The following UBR3 variants were observed in gnomAD, a reference collection of about 807,000 sequenced individuals.
UBR3 encodes ubiquitin protein ligase E3 component n-recognin 3, also known as E3 ubiquitin-protein ligase UBR3.
Under a neutral mutation model 243.2 loss-of-function variants are expected in UBR3, and 85 were observed. That is an observed-to-expected ratio of 0.35 (90% CI 0.29 to 0.42). UBR3 has a LOEUF of 0.42. Ranked by LOEUF, UBR3 falls within the 10% of genes least tolerant of loss-of-function variation. The pLI, the probability that UBR3 is intolerant of heterozygous loss-of-function variation, is 1.00. For missense variants in UBR3, 1,686 were observed against 2,300.8 expected, an observed-to-expected ratio of 0.73 and a Z score of 5.47; for synonymous variants, 748 against 799.8, an observed-to-expected ratio of 0.94 and a Z score of 1.09.
intron 24 of UBR3, among the ~76,000 whole-genome samples, chr2:169,975,094 C>T (rs572425909): frequency 6.6e-6 from 1 of 152,044 alleles, no homozygotes; most frequent in Admixed American, 6.5e-5. Context: ...TGCTTGATCC[C>T]GGGAGGTGGA....
In UBR3 at chr2:169,831,127, ATTTTTTTT is replaced by A. The variant is rs34139528; in HGVS notation, c.545+3096_545+3103del. ...GTACATTATATATATATATATATAT[ATTTTTTTT>A]TTTTTTTTTTTTTTTTTTTTGAGAG... On this transcript the variant is annotated intron_variant, in intron 1 of 38. Transcript: ENST00000272793. Among the ~76,000 whole-genome samples the A allele has an allele frequency of 4.7e-3, 263 of 56,410 alleles. 4 individuals are homozygous for A. Among genetic ancestry groups the A allele is most frequent in the African/African-American group, 0.021 (234 of 11,042 alleles). 37.0% of individuals were successfully genotyped at this position (56,410 alleles called of 152,430 possible).
intron 1 of UBR3, among the ~76,000 whole-genome samples, chr2:169,843,977 A>G (rs547478492): frequency 1.3e-4 from 19 of 149,992 alleles, no homozygotes; most frequent in African/African-American, 3.4e-4. Flanking sequence ...AGGTTTTAAC[A>G]TACTCCATTT....
chr2:169,881,342 G>A (rs67272949), intron 5 of UBR3, among the ~76,000 whole-genome samples: 25,846 of 151,752 alleles, frequency 0.17, 2,470 homozygotes, highest in East Asian at 0.35. Context: ...ACCACGCCTG[G>A]CTAGTTTTGT....
chr2:169,924,032 T>A (rs1408920743), intron 12 of UBR3, 38 bp downstream of exon 12: 2 of 1,522,324 alleles, frequency 1.3e-6, no homozygotes, highest in Non-Finnish European at 1.8e-6. Flanking sequence ...CTTTTTTTTT[T>A]AATTTTCAGA....
chr2:169,914,847 CTT>C (rs140555410), intron 11 of UBR3, among the ~76,000 whole-genome samples: 75 of 53,928 alleles, frequency 1.4e-3, no homozygotes, highest in African/African-American at 3.8e-3. Context: ...AATTTTATCT[CTT>C]GTGTGTGTGT....
At position 169,918,491 on chromosome 2, in the gene UBR3, T is replaced by A. The variant is rs921265029; in HGVS notation, c.1866+4345T>A. On this transcript the variant is annotated intron_variant, in intron 11 of 38. Transcript: ENST00000272793. ...TCTAGTACAAATCAAGCAAATAATT[T>A]TTTTTTTTTTTTTTAAGACAGGGTC... is the stretch of plus-strand genomic sequence containing the variant. Among the ~76,000 whole-genome samples, 147 of 150,286 alleles carry A rather than the reference T, an allele frequency of 9.8e-4. No individual in the cohort carries two copies. In the East Asian group the frequency reaches 0.025, roughly 25 times the overall value.
At chr2:169,961,549 T>G (rs932178240) in intron 24 of UBR3, among the ~76,000 whole-genome samples, 2 of 152,202 alleles carry the variant, frequency 1.3e-5, no homozygotes, top group African/African-American at 4.8e-5. Context: ...GGGACTTTAG[T>G]CTACTCTCAC....
chr2:169,875,154 T>C (rs750933751), intron 2 of UBR3, among the ~76,000 whole-genome samples: 2 of 152,174 alleles, frequency 1.3e-5, no homozygotes, highest in Non-Finnish European at 2.9e-5. Context: ...TTATTTGTTA[T>C]ACAGGTTTAA....
intron 5 of UBR3, among the ~76,000 whole-genome samples, chr2:169,881,377 C>T (rs1412786678): frequency 6.6e-6 from 1 of 151,870 alleles, no homozygotes; most frequent in African/African-American, 2.4e-5. Flanking sequence ...TGGGGTTTCT[C>T]CATATTGGTC....
intron 19 of UBR3, among the ~76,000 whole-genome samples, chr2:169,939,432 G>A (rs142989117): frequency 5.1e-5 from 3 of 58,602 alleles, no homozygotes; most frequent in Non-Finnish European, 1.0e-4. Context: ...CTAATTTTTT[G>A]TATTTTTTTT....
chr2:169,929,863 C>T (rs1044673196), intron 18 of UBR3, among the ~76,000 whole-genome samples: 6 of 152,090 alleles, frequency 3.9e-5, no homozygotes, highest in Non-Finnish European at 8.8e-5. Context: ...AATGAAAAAC[C>T]AATGCCCATT....
chr2:169,855,658 G>A, intron 1 of UBR3, among the ~76,000 whole-genome samples: 1 of 152,172 alleles, frequency 6.6e-6, no homozygotes, highest in Non-Finnish European at 1.5e-5. Context: ...AGAGAGCACG[G>A]GGTTGGGGCA....
chr2:170,040,769 C>G, intron 31 of UBR3, 113 bp from the exon 32 acceptor site: 1 of 829,398 alleles, frequency 1.2e-6, no homozygotes, highest in Non-Finnish European at 1.8e-6. Context: ...TACATTTCTT[C>G]TTTGTGTATT....
chr2:170,023,792 C>T (rs533515657), intron 30 of UBR3, among the ~76,000 whole-genome samples: 3 of 152,044 alleles, frequency 2.0e-5, no homozygotes, highest in Admixed American at 6.6e-5. Context: ...GGGGTTTCAC[C>T]GTCTTGAACT....
chr2:169,999,475 A>AT (rs1344742898), intron 26 of UBR3, among the ~76,000 whole-genome samples: 2 of 152,244 alleles, frequency 1.3e-5, no homozygotes, highest in Non-Finnish European at 2.9e-5. Context: ...TTTAAAGATC[A>AT]TTGGTCATCT....
Position 170,073,541 on chromosome 2 carries a change from T to C in UBR3, c.5133T>C (p.Phe1711=). 6.2e-7 allele frequency: 1 copy of C among 1,613,770 alleles called. No homozygotes were observed. Among genetic ancestry groups the C allele is most frequent in the Non-Finnish European group, 8.5e-7 (1 of 1,179,764 alleles). Residue 1711 remains phenylalanine, a synonymous_variant, in exon 36 of 39, where the codon TTT becomes TTC. Coordinates refer to ENST00000272793, the MANE Select transcript of UBR3 (RefSeq NM_172070.4). ...ASCLDWPVPA[F]DIITQWCFEI... Reference sequence around the variant, plus strand: ...GTCTGGATTGGCCAGTTCCAGCATTTGATATTATAACTCAGTGGTGTTTTG... The same window carrying C: ...GTCTGGATTGGCCAGTTCCAGCATTCGATATTATAACTCAGTGGTGTTTTG...
At chr2:169,920,583 T>C (rs1489548013) in intron 11 of UBR3, among the ~76,000 whole-genome samples, 1 of 152,200 alleles carries the variant, frequency 6.6e-6, no homozygotes. Flanking sequence ...CTGCCTTTGC[T>C]TTGCCCTGAG....
chr2:169,909,728 CAT>C (rs1491111519), intron 10 of UBR3, among the ~76,000 whole-genome samples: 1 of 124,862 alleles, frequency 8.0e-6, no homozygotes, highest in South Asian at 2.6e-4. Flanking sequence ...TCCCACAATG[CAT>C]GTGTGTGTGT....
chr2:170,071,104 G>C (rs2091688039), intron 35 of UBR3, among the ~76,000 whole-genome samples: 1 of 152,160 alleles, frequency 6.6e-6, no homozygotes, highest in Admixed American at 6.5e-5. Context: ...TGAAGTCCTA[G>C]AAATCTTATT....
Sources: allele counts gnomAD v4.1 joint callset (sites outside exome capture counted in the v4.1 genomes callset), GRCh38; gene constraint gnomAD v4.1.1; transcripts MANE v1.5; gene names NCBI Gene and HGNC (gene_info 2026-07-23, HGNC 2026-07-21).